Variants in B3GALT1 observed in about 807,000 individuals in gnomAD.
B3GALT1 encodes beta-1,3-galactosyltransferase 1.
Under a neutral mutation model 23.2 loss-of-function variants are expected in B3GALT1, and 10 were observed. The observed-to-expected ratio is 0.43, with a 90% confidence interval of 0.27 to 0.73. B3GALT1 has a LOEUF of 0.73. B3GALT1 is among the 30% of genes least tolerant of loss of function. The pLI is 0.21. For missense variants in B3GALT1, 299 were observed against 405.4 expected (o/e 0.74, Z 2.25); for synonymous variants, 156 against 141.5 (o/e 1.10, Z -0.73).
chr2:167,562,743 C>T (rs1684033617), intron 2 of B3GALT1, among the ~76,000 whole-genome samples: 2 of 151,098 alleles, frequency 1.3e-5, no homozygotes, highest in South Asian at 4.2e-4. Flanking sequence ...GGAAGGTCAG[C>T]AGATAAACAA....
chr2:167,668,387 G>C (rs1397956699), intron 3 of B3GALT1, among the ~76,000 whole-genome samples: 1 of 152,160 alleles, frequency 6.6e-6, no homozygotes, highest in Non-Finnish European at 1.5e-5. Flanking sequence ...GTCTGCAGAG[G>C]TTACTGCTAT....
chr2:167,773,961 T>A (rs1453779083), intron 3 of B3GALT1, among the ~76,000 whole-genome samples: 2 of 152,230 alleles, frequency 1.3e-5, no homozygotes, highest in East Asian at 3.8e-4. Context: ...AACTGATAGC[T>A]AGTTATTCTA....
At position 167,351,955 on chromosome 2, in the gene B3GALT1, A is replaced by ATTT. The variant is rs71031283; in HGVS notation, c.-511+58642_-511+58644dup. 1.4e-3 allele frequency among the ~76,000 whole-genome samples: 189 copies of ATTT among 134,278 alleles called. 1 individual carries two copies. Among genetic ancestry groups the ATTT allele is most frequent in the South Asian group, 6.6e-3 (28 of 4,214 alleles). The allele number at this position is 134,278 out of a possible 152,430, so 88.1% of individuals were successfully genotyped here. A position where few individuals can be genotyped will look rare whatever the true frequency, so the allele number is the denominator to read the frequency against. Reference sequence around the variant, plus strand: ...CTGTGAAAGGAGAAGGCTGTTTTTGATTTTTTTTTTTTTTTTTTTTTTTGA... The same window carrying ATTT: ...CTGTGAAAGGAGAAGGCTGTTTTTGATTTTTTTTTTTTTTTTTTTTTTTTTTGA... On this transcript the variant is annotated intron_variant, in intron 1 of 4. Coordinates refer to ENST00000392690, the MANE Select transcript of B3GALT1 (RefSeq NM_020981.4).
At chr2:167,450,981 C>T (rs1034032895) in intron 1 of B3GALT1, among the ~76,000 whole-genome samples, 3 of 151,914 alleles carry the variant, frequency 2.0e-5, no homozygotes, top group Admixed American at 2.0e-4. Context: ...TTGTTCAGTT[C>T]TGTTAATGAG....
intron 3 of B3GALT1, among the ~76,000 whole-genome samples, chr2:167,738,077 A>G (rs1006962847): frequency 1.3e-5 from 2 of 150,804 alleles, no homozygotes; most frequent in Admixed American, 6.6e-5. Context: ...CTCTCATTGA[A>G]AGGGAAGATT....
At chr2:167,615,686 G>T (rs567171879) in intron 2 of B3GALT1, among the ~76,000 whole-genome samples, 1 of 152,112 alleles carries the variant, frequency 6.6e-6, no homozygotes, top group African/African-American at 2.4e-5. Flanking sequence ...ACAATGTTAA[G>T]ATTTAGGACA....
At chr2:167,668,719 C>T (rs9287885) in intron 3 of B3GALT1, among the ~76,000 whole-genome samples, 9 of 152,026 alleles carry the variant, frequency 5.9e-5, no homozygotes, top group East Asian at 2.0e-4. Context: ...TTCCAGGTGC[C>T]GTCTGTCACC....
At chr2:167,713,031 A>G (rs1687086758) in intron 3 of B3GALT1, among the ~76,000 whole-genome samples, 1 of 152,234 alleles carries the variant, frequency 6.6e-6, no homozygotes, top group Non-Finnish European at 1.5e-5. Flanking sequence ...AAAGAGGCCC[A>G]TGGATTTTGC....
At chr2:167,435,954 AACAC>A (rs66661618) in intron 1 of B3GALT1, among the ~76,000 whole-genome samples, 14,040 of 139,146 alleles carry the variant, frequency 0.1, 774 homozygotes, top group African/African-American at 0.17. Flanking sequence ...CACACACACA[AACAC>A]ACACACACAC....
chr2:167,781,705 G>T (rs1688247100), intron 3 of B3GALT1, among the ~76,000 whole-genome samples: 1 of 152,052 alleles, frequency 6.6e-6, no homozygotes, highest in African/African-American at 2.4e-5. Context: ...TGGGCTTGTG[G>T]TTGGAGGTGG....
chr2:167,809,728 G>T (rs1450411995), intron 3 of B3GALT1, among the ~76,000 whole-genome samples: 2 of 152,208 alleles, frequency 1.3e-5, no homozygotes, highest in Non-Finnish European at 2.9e-5. Flanking sequence ...CTACTCGGGG[G>T]TCAGGGACCC....
rs1574192066 is a variant in B3GALT1, at chr2:167,653,396, T to C, written c.-352+6430T>C. ...AACCCCGAAAATTCCATGAGTTCTT[T>C]TGTTAAAACTCAGCCGTGCCCATGA... is the stretch of plus-strand genomic sequence containing the variant. On this transcript the variant is annotated intron_variant, in intron 3 of 4. Transcript: ENST00000392690. Among the ~76,000 whole-genome samples, 4 of 152,298 alleles carry C rather than the reference T, an allele frequency of 2.6e-5. No individual in the cohort carries two copies. In the South Asian group the frequency reaches 8.3e-4, roughly 32 times the overall value.
chr2:167,389,820 G>A (rs1298103127), intron 1 of B3GALT1, among the ~76,000 whole-genome samples: 1 of 151,504 alleles, frequency 6.6e-6, no homozygotes. Flanking sequence ...GCCAAGGCTG[G>A]GGGATTGCTT....
At chr2:167,346,238 A>G (rs1365378566) in intron 1 of B3GALT1, among the ~76,000 whole-genome samples, 1 of 152,158 alleles carries the variant, frequency 6.6e-6, no homozygotes, top group Non-Finnish European at 1.5e-5. Context: ...CAGTTCACCC[A>G]TTGAGTATGC....
At chr2:167,654,198 T>C (rs73015496) in intron 3 of B3GALT1, among the ~76,000 whole-genome samples, 21,488 of 152,168 alleles carry the variant, frequency 0.14, 2,230 homozygotes, top group African/African-American at 0.27. Flanking sequence ...ATGGATTGTG[T>C]GAAGATTAAA....
intron 2 of B3GALT1, among the ~76,000 whole-genome samples, chr2:167,642,438 T>G (rs1164084151): frequency 6.6e-6 from 1 of 152,228 alleles, no homozygotes; most frequent in African/African-American, 2.4e-5. Context: ...TATTTTCTGA[T>G]TGCCTTCTTG....
chr2:167,467,783 T>C (rs764323088), intron 1 of B3GALT1, among the ~76,000 whole-genome samples: 3 of 152,192 alleles, frequency 2.0e-5, no homozygotes, highest in Non-Finnish European at 4.4e-5. Flanking sequence ...CAAACATAGA[T>C]ACAACCTAGA....
intron 4 of B3GALT1, among the ~76,000 whole-genome samples, chr2:167,860,372 T>C (rs1369557997): frequency 6.6e-6 from 1 of 152,178 alleles, no homozygotes; most frequent in Non-Finnish European, 1.5e-5. Flanking sequence ...TTTCTCTCTG[T>C]CTCTCTCGTG....
intron 3 of B3GALT1, among the ~76,000 whole-genome samples, chr2:167,784,348 AT>A (rs77632068): frequency 1.3e-5 from 2 of 151,968 alleles, no homozygotes; most frequent in Non-Finnish European, 1.5e-5. Context: ...CAGCCATGTC[AT>A]TTTTTTCATG....
Sources: allele counts gnomAD v4.1 joint callset (sites outside exome capture counted in the v4.1 genomes callset), GRCh38; gene constraint gnomAD v4.1.1; transcripts MANE v1.5; gene names NCBI Gene and HGNC (gene_info 2026-07-23, HGNC 2026-07-21).